Variants in DLC1 observed in about 807,000 individuals in gnomAD.
DLC1 encodes rho GTPase-activating protein 7.
In DLC1, 54 loss-of-function variants were observed where a neutral mutation model predicts 140.3. The ratio of observed to expected loss-of-function variants is 0.38; its 90% CI spans 0.31 to 0.48. The LOEUF (loss-of-function observed/expected upper bound fraction) is 0.48, where lower values mean the gene tolerates loss of function less well. Among genes scored for constraint, DLC1 ranks in the 20% least tolerant of loss-of-function variants. The pLI is 0.96. For synonymous variants in DLC1, 986 were observed against 728.1 expected, an observed-to-expected ratio of 1.35 and a Z score of -5.70; for missense variants, 2,536 against 1,907.0, an observed-to-expected ratio of 1.33 and a Z score of -6.14.
intron 1 of DLC1, among the ~76,000 whole-genome samples, chr8:13,512,405 G>A (rs1279821313): frequency 1.1e-4 from 16 of 152,050 alleles, no homozygotes; most frequent in Admixed American, 1.3e-4. Context: ...AATAGCCCAC[G>A]CTCCCATTTT....
At chr8:13,416,773 A>C (rs1283375170) in intron 2 of DLC1, among the ~76,000 whole-genome samples, 1 of 152,204 alleles carries the variant, frequency 6.6e-6, no homozygotes, top group Non-Finnish European at 1.5e-5. Context: ...CCTGGCTTAC[A>C]CTTGAGAGAT....
rs536551273 is a variant in DLC1 at position 13,451,220 on chromosome 8, T to A, written c.1023+47829A>T. On this transcript the variant is annotated intron_variant, in intron 2 of 17. Transcript: ENST00000276297. ...AGTCATTTATTGACTATTTAAAAAATTTTTTAACTGTTAATTTTTGTGTAT... is the reference window on the plus strand; with the variant it reads ...AGTCATTTATTGACTATTTAAAAAAATTTTTAACTGTTAATTTTTGTGTAT... 2.3e-4 allele frequency among the ~76,000 whole-genome samples: 35 copies of A among 152,152 alleles called. No individual in the cohort carries two copies. The South Asian group carries it at 2.7e-3, about 12-fold the overall frequency.
intron 4 of DLC1, among the ~76,000 whole-genome samples, chr8:13,365,795 A>G (rs1173665911): frequency 1.3e-5 from 2 of 152,094 alleles, no homozygotes; most frequent in African/African-American, 4.8e-5. Flanking sequence ...AAATCACTCA[A>G]CTGCTAATGG....
In DLC1 at chr8:13,324,295, G is replaced by A. The variant is rs892402502; in HGVS notation, c.1315-18993C>T. Among the ~76,000 whole-genome samples, 21 of 152,292 alleles carry A rather than the reference G, an allele frequency of 1.4e-4. 1 individual carries two copies. Among genetic ancestry groups the A allele is most frequent in the South Asian group, 4.1e-4 (2 of 4,824 alleles). ...TGTAATTCTTTAAAATCGGCCAGGC[G>A]TGGTGGCTCACGCCTCTAATCCCAG... On this transcript the variant is annotated intron_variant, in intron 4 of 17. Transcript: ENST00000276297.
chr8:13,092,872 G>C (rs368384634), intron 12 of DLC1, 47 bp from the exon 13 acceptor site: 404 of 1,573,850 alleles, frequency 2.6e-4, no homozygotes, highest in Non-Finnish European at 3.2e-4. Context: ...AATTTGCATG[G>C]ACATTGCAAG....
rs1801681726 is a variant in DLC1, at chr8:13,499,460, A to T, written c.612T>A (p.Asp204Glu). Residue 204 changes from aspartate to glutamate, a missense_variant, in exon 2 of 18, where the codon GAT becomes GAA. Transcript: ENST00000276297. ...TATCCACTGCATTTACTTTGGGTGC[A>T]TCTTTTATTTCACTTAAGCTTATTT... Reference protein sequence around the residue: ...CNEISLSEIKDAPKVNAVDTL... With the variant: ...CNEISLSEIKEAPKVNAVDTL... The T allele has an allele frequency of 6.2e-7, 1 of 1,614,042 alleles. No homozygotes were observed. The highest frequency in any genetic ancestry group is 1.7e-5 in the Admixed American group (1 of 59,964).
At chr8:13,470,704 T>C (rs1470950437) in intron 2 of DLC1, among the ~76,000 whole-genome samples, 3 of 152,118 alleles carry the variant, frequency 2.0e-5, no homozygotes, top group Non-Finnish European at 4.4e-5. Flanking sequence ...TATAGCCATA[T>C]GGAAAACAGT....
chr8:13,135,170 G>C (rs890875021), intron 5 of DLC1, among the ~76,000 whole-genome samples: 9 of 151,498 alleles, frequency 5.9e-5, no homozygotes, highest in African/African-American at 2.2e-4. Flanking sequence ...ACTATGTTAA[G>C]GAAAGTCCTT....
intron 5 of DLC1, among the ~76,000 whole-genome samples, chr8:13,162,623 A>G (rs993034674): frequency 6.6e-6 from 1 of 152,132 alleles, no homozygotes; most frequent in Non-Finnish European, 1.5e-5. Flanking sequence ...GCTCCCAGCC[A>G]GTAGGCTACA....
chr8:13,508,454 G>T (rs7820365), intron 1 of DLC1, among the ~76,000 whole-genome samples: 9,207 of 143,956 alleles, frequency 0.064, 445 homozygotes, highest in East Asian at 0.21. Context: ...GTCTCGCTCT[G>T]TCGCCCAGGC....
Position 13,094,778 on chromosome 8 carries a change from G to C in DLC1, c.3507C>G (p.Thr1169=), listed in dbSNP as rs1818366354. Residue 1169 remains threonine, a synonymous_variant, in exon 12 of 18, where the codon ACC becomes ACG. Transcript: ENST00000276297. The part of the protein sequence containing the change: ...EPLMTNKLSE[T]FLQIYQYVPK... The stretch of plus-strand genomic sequence containing the variant: ...ACTCACATTGGTAGATCTGTAGAAA[G>C]GTTTCCGAGAGTTTGTTCGTCATTA... 2 of 1,614,062 alleles carry C rather than the reference G, an allele frequency of 1.2e-6. No individual in the cohort carries two copies. Among genetic ancestry groups the C allele is most frequent in the African/African-American group, 1.3e-5 (1 of 74,928 alleles).
chr8:13,254,597 A>G (rs1210110649), intron 5 of DLC1, among the ~76,000 whole-genome samples: 2 of 152,142 alleles, frequency 1.3e-5, no homozygotes, highest in African/African-American at 4.8e-5. Context: ...ATAAAAAGGA[A>G]CAAAATTTCA....
In DLC1 at chr8:13,563,885, AG is replaced by A. The variant is rs551467658; in HGVS notation, c.-126+40651del. Among the ~76,000 whole-genome samples, 58 of 152,324 alleles carry A rather than the reference AG, an allele frequency of 3.8e-4. 1 individual carries two copies. In the South Asian group the frequency reaches 0.011, roughly 28 times the overall value. ...AAAATAATTTTTACAATGAATGGAA[AG>A]GTTCATTTTATTACTAACTGGAAAA... On this transcript the variant is annotated intron_variant, in intron 1 of 1. Coordinates refer to the DLC1 transcript ENST00000631382.
intron 4 of DLC1, among the ~76,000 whole-genome samples, chr8:13,358,157 G>A (rs1180091100): frequency 6.6e-6 from 1 of 151,744 alleles, no homozygotes; most frequent in African/African-American, 2.4e-5. Flanking sequence ...AGTTTTTCTG[G>A]AAAAAAAATA....
At chr8:13,131,830 G>A (rs1822119272) in intron 5 of DLC1, among the ~76,000 whole-genome samples, 1 of 152,214 alleles carries the variant, frequency 6.6e-6, no homozygotes, top group African/African-American at 2.4e-5. Context: ...TGACCAGGAT[G>A]AGACCCCACC....
intron 2 of DLC1, among the ~76,000 whole-genome samples, chr8:13,406,535 C>A (rs149201286): frequency 1.3e-5 from 2 of 152,124 alleles, no homozygotes; most frequent in Admixed American, 6.5e-5. Context: ...CATGAAACAG[C>A]CTTTCAAATA....
intron 7 of DLC1, among the ~76,000 whole-genome samples, chr8:13,106,465 A>T (rs984891243): frequency 6.6e-6 from 1 of 152,132 alleles, no homozygotes; most frequent in African/African-American, 2.4e-5. Flanking sequence ...CTCCCGCCTC[A>T]GCCTCCCAAG....
chr8:13,109,786 G>A (rs777047783), intron 7 of DLC1, among the ~76,000 whole-genome samples: 9 of 151,992 alleles, frequency 5.9e-5, no homozygotes, highest in Non-Finnish European at 8.8e-5. Context: ...TTGGGAGGCT[G>A]AGGTAGGAGA....
At chr8:13,110,983 T>C (rs1056878005) in intron 6 of DLC1, among the ~76,000 whole-genome samples, 160 bp from the exon 7 acceptor site, 3 of 152,180 alleles carry the variant, frequency 2.0e-5, no homozygotes, top group Non-Finnish European at 2.9e-5. Context: ...TATAAGGCAA[T>C]TGAAGCCAAT....
Sources: allele counts gnomAD v4.1 joint callset (sites outside exome capture counted in the v4.1 genomes callset), GRCh38; gene constraint gnomAD v4.1.1; transcripts MANE v1.5; gene names NCBI Gene and HGNC (gene_info 2026-07-23, HGNC 2026-07-21).